Variants in PBX1 observed in about 807,000 individuals in gnomAD.
The protein encoded by PBX1 is pre-B-cell leukemia transcription factor 1.
A neutral mutation model predicts 53.4 loss-of-function variants in PBX1; 6 were observed. The observed-to-expected ratio is 0.11, with a 90% confidence interval of 0.06 to 0.22. The LOEUF (loss-of-function observed/expected upper bound fraction) is 0.22, where lower values mean the gene tolerates loss of function less well. Among genes scored for constraint, PBX1 ranks in the 10% least tolerant of loss-of-function variants. The pLI is 1.00. For synonymous variants in PBX1, 204 were observed against 212.3 expected (o/e 0.96, Z 0.34); for missense variants, 251 against 551.4 (o/e 0.46, Z 5.46).
At chr1:164,704,499 G>A (rs922578928) in intron 2 of PBX1, among the ~76,000 whole-genome samples, 2 of 152,080 alleles carry the variant, frequency 1.3e-5, no homozygotes, top group African/African-American at 4.8e-5. Flanking sequence ...TCAAGAATTC[G>A]GAGCTATGAG....
At chr1:164,580,739 G>T (rs1376166167) in intron 2 of PBX1, among the ~76,000 whole-genome samples, 1 of 151,512 alleles carries the variant, frequency 6.6e-6, no homozygotes, top group Non-Finnish European at 1.5e-5. Context: ...AACACACTTG[G>T]CTAATTTTTT....
intron 2 of PBX1, among the ~76,000 whole-genome samples, chr1:164,754,880 T>C (rs531232053): frequency 6.6e-6 from 1 of 152,360 alleles, no homozygotes; most frequent in South Asian, 2.1e-4. Flanking sequence ...ACTTGTTTTG[T>C]CTTTATCTTT....
chr1:164,623,883 G>C (rs1657861424), intron 2 of PBX1, among the ~76,000 whole-genome samples: 1 of 152,180 alleles, frequency 6.6e-6, no homozygotes, highest in Non-Finnish European at 1.5e-5. Flanking sequence ...ATTTGGTAAT[G>C]GACTGTGACA....
chr1:164,678,462 A>G (rs146927483), intron 2 of PBX1, among the ~76,000 whole-genome samples: 33 of 152,294 alleles, frequency 2.2e-4, no homozygotes, highest in African/African-American at 7.9e-4. Flanking sequence ...ATTGTCCTCC[A>G]TGTGTGGGAA....
chr1:164,854,068 A>C (rs1449079693), downstream of PBX1, among the ~76,000 whole-genome samples: 3 of 151,630 alleles, frequency 2.0e-5, no homozygotes, highest in Non-Finnish European at 4.4e-5. Context: ...ACCATGCCCA[A>C]ATAATTTTTG....
chr1:164,700,687 AG>A, intron 2 of PBX1: 1 of 985,402 alleles, frequency 1.0e-6, no homozygotes, highest in Non-Finnish European at 1.2e-6. Context: ...GGATGATGGA[AG>A]GGGACCCAAC....
chr1:164,593,335 G>A (rs185152424), intron 2 of PBX1, among the ~76,000 whole-genome samples: 3 of 152,220 alleles, frequency 2.0e-5, no homozygotes, highest in African/African-American at 7.2e-5. Flanking sequence ...GACTCCTGGT[G>A]GGTTGCTGTA....
intron 8 of PBX1, among the ~76,000 whole-genome samples, chr1:164,826,858 C>A (rs763209460): frequency 2.6e-5 from 4 of 151,898 alleles, no homozygotes; most frequent in South Asian, 4.1e-4. Context: ...AGGTAACATG[C>A]CGTTAACATC....
At chr1:164,571,577 TATTC>T (rs1653855570) in intron 2 of PBX1, among the ~76,000 whole-genome samples, 1 of 146,880 alleles carries the variant, frequency 6.8e-6, no homozygotes, top group African/African-American at 2.6e-5. Flanking sequence ...ACATTTTGCT[TATTC>T]ATTATTCAGT....
chr1:164,668,826 C>T (rs1298483024), intron 2 of PBX1, among the ~76,000 whole-genome samples: 4 of 152,090 alleles, frequency 2.6e-5, no homozygotes, highest in South Asian at 2.1e-4. Context: ...TTGAATGGGC[C>T]GCATTTGCAT....
chr1:164,663,213 C>T (rs11804270), intron 2 of PBX1, among the ~76,000 whole-genome samples: 1 of 144,880 alleles, frequency 6.9e-6, no homozygotes, highest in African/African-American at 2.6e-5. Flanking sequence ...TTCCTTCCTG[C>T]CTTCCTGCCT....
intron 2 of PBX1, among the ~76,000 whole-genome samples, chr1:164,689,455 A>G (rs1662329156): frequency 6.6e-6 from 1 of 152,096 alleles, no homozygotes. Flanking sequence ...AGGCGTATTA[A>G]TCATCTCCTT....
At chr1:164,879,591 A>G (rs968620994) in intron 2 of PBX1, among the ~76,000 whole-genome samples, 10 of 152,180 alleles carry the variant, frequency 6.6e-5, no homozygotes, top group African/African-American at 2.4e-4. Context: ...AGAGGTGAAG[A>G]TCAGCATATA....
chr1:164,572,507 A>G (rs1179184139), intron 2 of PBX1, among the ~76,000 whole-genome samples: 8 of 152,184 alleles, frequency 5.3e-5, no homozygotes, highest in African/African-American at 7.2e-5. Context: ...TGATTCTCCA[A>G]TGTTGGAATT....
At chr1:164,779,817 G>A (rs1667846224) in intron 2 of PBX1, among the ~76,000 whole-genome samples, 1 of 152,060 alleles carries the variant, frequency 6.6e-6, no homozygotes, top group Admixed American at 6.5e-5. Flanking sequence ...CTAATGTCTG[G>A]CCAGTGAAAC....
At chr1:164,779,350 A>T (rs974624054) in intron 2 of PBX1, among the ~76,000 whole-genome samples, 1 of 152,150 alleles carries the variant, frequency 6.6e-6, no homozygotes, top group African/African-American at 2.4e-5. Flanking sequence ...TCAGTATATT[A>T]TGTTGAATGA....
chr1:164,611,786 GGGA>G (rs1656951884), intron 2 of PBX1, among the ~76,000 whole-genome samples: 1 of 152,144 alleles, frequency 6.6e-6, no homozygotes. Context: ...CCATTTTGGA[GGGA>G]GGCTGCCTGA....
chr1:164,836,705 G>T (rs754128731), intron 8 of PBX1, among the ~76,000 whole-genome samples: 37 of 152,086 alleles, frequency 2.4e-4, no homozygotes, highest in Non-Finnish European at 3.7e-4. Context: ...CAACCCTTCT[G>T]TTAGCTGTAA....
intron 2 of PBX1, among the ~76,000 whole-genome samples, chr1:164,604,798 A>G (rs1258584306): frequency 6.6e-6 from 1 of 152,196 alleles, no homozygotes; most frequent in East Asian, 1.9e-4. Flanking sequence ...TCCCTAAGAC[A>G]TCTTCATATC....
Sources: allele counts gnomAD v4.1 joint callset (sites outside exome capture counted in the v4.1 genomes callset), GRCh38; gene constraint gnomAD v4.1.1; transcripts MANE v1.5; gene names NCBI Gene and HGNC (gene_info 2026-07-23, HGNC 2026-07-21).